DPYSL4: variants seen among roughly 807,000 people sequenced by gnomAD.
DPYSL4 encodes dihydropyrimidinase like 4, also known as dihydropyrimidinase-related protein 4.
In DPYSL4, 43 loss-of-function variants were observed where a neutral mutation model predicts 63.4. The observed-to-expected ratio is 0.68, with a 90% CI of 0.53 to 0.88. The LOEUF (loss-of-function observed/expected upper bound fraction) is 0.88, where lower values mean the gene tolerates loss of function less well. DPYSL4 is among the 40% of genes least tolerant of loss of function. The pLI, the probability that DPYSL4 is intolerant of heterozygous loss-of-function variation, is 0.00. For synonymous variants in DPYSL4, 353 were observed against 331.7 expected (o/e 1.06, Z -0.70); for missense variants, 733 against 819.5 (o/e 0.89, Z 1.29).
Position 132,204,861 on chromosome 10 carries a change from C to T in DPYSL4, c.1650C>T (p.Ile550=), listed in dbSNP as rs1317944792. 25 of 1,611,998 alleles carry T rather than the reference C, an allele frequency of 1.6e-5. No homozygotes were observed. The highest frequency in any genetic ancestry group is 2.2e-5 in the East Asian group (1 of 44,818). ...CAGGGTCTCAGGCTGATGACCACAT[C>T]GCCCGACGCACAGCACAGAAGATCA... ...SLSGSQADDH[I]ARRTAQKIMA... is the part of the protein sequence containing the mutation. Residue 550 remains isoleucine (I), a synonymous_variant, in exon 14 of 14, where the codon ATC becomes ATT. Transcript: ENST00000338492.
chr10:132,196,546 C>G (rs1165514408), intron 4 of DPYSL4, among the ~76,000 whole-genome samples: 2 of 152,220 alleles, frequency 1.3e-5, no homozygotes, highest in Non-Finnish European at 2.9e-5. Flanking sequence ...AGCGGCTCTT[C>G]CAGTAACGGG....
chr10:132,192,916 GGGA>G (rs2061896687), intron 3 of DPYSL4, 74 bp downstream of exon 3: 3 of 1,453,056 alleles, frequency 2.1e-6, no homozygotes, highest in Non-Finnish European at 2.8e-6. Context: ...AGGTGTGTGT[GGGA>G]GGAGGAGTGT....
In DPYSL4 at chr10:132,192,858, TCCTCCTCTACA is replaced by T. The variant is rs2061895444; in HGVS notation, c.313+17_313+27del. 1 of 1,594,304 alleles carries T rather than the reference TCCTCCTCTACA, an allele frequency of 6.3e-7. No individual in the cohort carries two copies. The highest frequency in any genetic ancestry group is 1.1e-5 in the South Asian group (1 of 88,406). On this transcript the variant is annotated intron_variant, in intron 3 of 13. Transcript: ENST00000338492. ...ACCATGATCTGTGAGTGTCTGGGTC[TCCTCCTCTACA>T]GGGGGCAGCCAGCGTCTGCTGCCCC... is the stretch of plus-strand genomic sequence containing the variant.
Position 132,194,873 on chromosome 10 carries a change from G to A in DPYSL4, c.342G>A (p.Val114=), listed in dbSNP as rs73399772. 2.5e-3 allele frequency: 4,037 copies of A among 1,612,794 alleles called. 91 individuals are homozygous for A. The African/African-American group carries it at 0.043, about 17-fold the overall frequency. ...ILDHVFPDTG[V]SLLAAYEQWR... is the part of the protein sequence containing the mutation. ...ACCACGTCTTCCCCGACACGGGTGT[G>A]AGCCTGCTGGCGGCCTACGAGCAGT... The change falls in exon 4 of 14, where the codon GTG becomes GTA. Residue 114 remains valine (V), a synonymous_variant. Coordinates refer to ENST00000338492, the MANE Select transcript of DPYSL4 (RefSeq NM_006426.3).
At chr10:132,196,476 G>T (rs570267600) in intron 4 of DPYSL4, among the ~76,000 whole-genome samples, 2 of 152,348 alleles carry the variant, frequency 1.3e-5, no homozygotes, top group African/African-American at 4.8e-5. Context: ...CCAGCACAGC[G>T]CGGCCCTGGC....
At chr10:132,202,907 C>G in intron 12 of DPYSL4, 82 bp downstream of exon 12, 1 of 1,482,114 alleles carries the variant, frequency 6.7e-7, no homozygotes, top group South Asian at 1.3e-5. Context: ...CCTGGTCAAC[C>G]TGGCCCGGCC....
chr10:132,190,417 C>G (rs2061858141), intron 1 of DPYSL4, among the ~76,000 whole-genome samples: 1 of 152,256 alleles, frequency 6.6e-6, no homozygotes, highest in Non-Finnish European at 1.5e-5. Flanking sequence ...CGCCTCCCAC[C>G]TCAGGCTGGG....
chr10:132,199,345 C>T (rs1329631999), intron 8 of DPYSL4, among the ~76,000 whole-genome samples: 3 of 152,156 alleles, frequency 2.0e-5, no homozygotes, highest in Non-Finnish European at 2.9e-5. Context: ...AGCCGGGGTG[C>T]TACCTGCCCA....
At chr10:132,203,729 C>A in intron 12 of DPYSL4, 33 bp from the exon 13 acceptor site, 1 of 1,576,366 alleles carries the variant, frequency 6.3e-7, no homozygotes. Context: ...CTCAGCCCCT[C>A]ATGCCCTGTC....
At chr10:132,201,078 C>T in intron 10 of DPYSL4, 95 bp downstream of exon 10, 1 of 1,506,764 alleles carries the variant, frequency 6.6e-7, no homozygotes, top group Non-Finnish European at 8.9e-7. Context: ...AACCAGTGCA[C>T]ACTCGTGAAA....
rs1476033749 is a variant in DPYSL4, at chr10:132,194,768, CAG to C, written c.314-75_314-74del. The C allele has an allele frequency of 9.0e-6, 14 of 1,549,826 alleles. No individual in the cohort carries two copies. The South Asian group carries it at 1.1e-4, about 12-fold the overall frequency. On this transcript the variant is annotated intron_variant, in intron 3 of 13. Coordinates refer to ENST00000338492, the MANE Select transcript of DPYSL4 (RefSeq NM_006426.3). ...CCTCTGGTCTCTTGGGAACATGAAA[CAG>C]AATCTCCCATGGAGGAGGCAGAGGT...
intron 12 of DPYSL4, chr10:132,203,528 C>G (rs998764145): frequency 3.7e-6 from 2 of 547,104 alleles, no homozygotes; most frequent in South Asian, 2.6e-5. Context: ...CAGATGGGAC[C>G]GCAGGCGGGC....
intron 13 of DPYSL4, among the ~76,000 whole-genome samples, chr10:132,204,275 T>TC (rs1168587204): frequency 6.6e-6 from 1 of 151,946 alleles, no homozygotes; most frequent in African/African-American, 2.4e-5. Flanking sequence ...GGAATCCAGG[T>TC]CCCCACCCAG....
intron 7 of DPYSL4, 151 bp from the exon 8 acceptor site, chr10:132,198,700 G>A (rs2061975238): frequency 1.6e-6 from 2 of 1,270,230 alleles, no homozygotes; most frequent in Non-Finnish European, 2.1e-6. Context: ...GGCGTGGGCA[G>A]GCCCAGGCAC....
chr10:132,198,527 C>G, intron 7 of DPYSL4, 44 bp downstream of exon 7: 1 of 1,540,276 alleles, frequency 6.5e-7, no homozygotes, highest in Non-Finnish European at 8.8e-7. Flanking sequence ...CAACTCCGCC[C>G]AGACCACTGC....
intron 12 of DPYSL4, chr10:132,203,504 T>G: frequency 1.9e-6 from 1 of 518,284 alleles, no homozygotes; most frequent in South Asian, 3.1e-5. Flanking sequence ...GGGAGGGACG[T>G]TTGCACACAC....
At chr10:132,192,330 T>C in intron 2 of DPYSL4, 1 of 1,015,360 alleles carries the variant, frequency 9.8e-7, no homozygotes, top group Non-Finnish European at 1.2e-6. Flanking sequence ...TAAATACTGG[T>C]GCCCACATCT....
chr10:132,197,782 G>A (rs2061964666), intron 6 of DPYSL4, among the ~76,000 whole-genome samples: 1 of 152,194 alleles, frequency 6.6e-6, no homozygotes, highest in Non-Finnish European at 1.5e-5. Flanking sequence ...CTCGGGCAGG[G>A]GCATGTGGGG....
rs768206624 is a variant in DPYSL4 at position 132,192,825 on chromosome 10, G to T, written c.296G>T (p.Gly99Val). 13 of 1,611,272 alleles carry T rather than the reference G, an allele frequency of 8.1e-6. No homozygotes were observed. In the South Asian group the frequency reaches 1.4e-4, roughly 18 times the overall value. The change falls in exon 3 of 14, where the codon GGA becomes GTA. Residue 99 changes from glycine to valine, a missense_variant. Transcript: ENST00000338492. ...FCQGTKAALA[G>V]GTTMILDHVF... ...CAGGGCACCAAGGCAGCGCTAGCAG[G>T]AGGAACCACCATGATCTGTGAGTGT...
Sources: gnomAD v4.1 joint callset for allele counts (sites outside exome capture counted in the v4.1 genomes callset) on GRCh38, gnomAD v4.1.1 for gene constraint, MANE v1.5 for transcripts, NCBI Gene and HGNC (gene_info 2026-07-23, HGNC 2026-07-21) for gene names.